ARID1B: variants seen among roughly 807,000 people sequenced by gnomAD.
ARID1B encodes AT-rich interactive domain-containing protein 1B.
In ARID1B, 30 loss-of-function variants were observed where a neutral mutation model predicts 212.3. The ratio of observed to expected loss-of-function variants is 0.14; its 90% confidence interval spans 0.11 to 0.19. The LOEUF is 0.19. Ranked by LOEUF, ARID1B falls within the 10% of genes least tolerant of loss-of-function variation. The probability of loss-of-function intolerance (pLI) is 1.00; values close to 1 mark genes in which losing one functional copy is unlikely to be tolerated. For synonymous variants in ARID1B, 1,402 were observed against 1,301.7 expected, an observed-to-expected ratio of 1.08 and a Z score of -1.66; for missense variants, 2,891 against 3,204.0, an observed-to-expected ratio of 0.90 and a Z score of 2.36.
chr6:157,049,103 G>A (rs910523157), intron 4 of ARID1B, among the ~76,000 whole-genome samples: 10 of 151,626 alleles, frequency 6.6e-5, no homozygotes, highest in Non-Finnish European at 1.0e-4. Context: ...GAACCAGGAG[G>A]TGGAGGTTGC....
chr6:156,856,802 T>TTGCCTTTGCTTAATGCTAAAATGCA (rs60089699), intron 2 of ARID1B, among the ~76,000 whole-genome samples: 3 of 150,732 alleles, frequency 2.0e-5, no homozygotes, highest in Admixed American at 1.3e-4. Context: ...GAAAAACCCA[T>TTGCCTTTGCTTAATGCTAAAATGCA]TCAGTCATAT....
chr6:156,980,484 AAAAACAAAACAAAAC>A (rs55654545), intron 4 of ARID1B, among the ~76,000 whole-genome samples: 1 of 151,504 alleles, frequency 6.6e-6, no homozygotes, highest in African/African-American at 2.4e-5. Context: ...CCTACATCTC[AAAAACAAAACAAAAC>A]AAAACAAAAT....
At chr6:156,787,507 C>T (rs998311669) in intron 1 of ARID1B, among the ~76,000 whole-genome samples, 1 of 152,066 alleles carries the variant, frequency 6.6e-6, no homozygotes, top group Non-Finnish European at 1.5e-5. Context: ...TAGAAGCTGG[C>T]GTCTAATTTG....
At position 157,201,498 on chromosome 6, in the gene ARID1B, C is replaced by A. The variant is rs2128377579; in HGVS notation, c.5263+10C>A. ...ACCTCCAAAGATATCGGTAAGAATT[C>A]CAAAGCTTTCATTCTGAAATGAATT... On this transcript the variant is annotated intron_variant, in intron 18 of 19. Coordinates refer to ENST00000636930, the MANE Select transcript of ARID1B (RefSeq NM_001374828.1). This position sits in a 1 kb window ranked among gnomAD's most constrained non-coding sequence, Gnocchi z 5.2. 1 of 1,492,790 alleles carries A rather than the reference C, an allele frequency of 6.7e-7. No homozygotes were observed. Among genetic ancestry groups the A allele is most frequent in the Non-Finnish European group, 8.9e-7 (1 of 1,121,038 alleles). The allele number at this position is 1,492,790 out of a possible 1,614,324, so 92.5% of individuals were successfully genotyped here.
In ARID1B at chr6:157,148,868, G is replaced by T. The variant is rs764210072; in HGVS notation, c.3006G>T (p.Gly1002=). 1.2e-6 allele frequency: 2 copies of T among 1,612,810 alleles called. No homozygotes were observed. The highest frequency in any genetic ancestry group is 2.2e-5 in the East Asian group (1 of 44,886). Residue 1002 remains glycine, a synonymous_variant, in exon 8 of 20, where the codon GGG becomes GGT. Transcript: ENST00000636930. This position sits in a 1 kb window ranked among gnomAD's most constrained non-coding sequence, Gnocchi z 5.6. ...CTCAGCAGGGAGGGCCAGGAATGGG[G>T]CCGCCAATGCCAACTGTGAACCGTA... ...GMSQQGGPGM[G]PPMPTVNRKA...
intron 2 of ARID1B, among the ~76,000 whole-genome samples, chr6:156,845,038 G>T: frequency 6.6e-6 from 1 of 151,554 alleles, no homozygotes; most frequent in Middle Eastern, 3.4e-3. Flanking sequence ...TAGCCTTCCC[G>T]TGTCTGGGGA....
intron 4 of ARID1B, among the ~76,000 whole-genome samples, chr6:157,008,113 C>T (rs1395222533): frequency 1.3e-5 from 2 of 151,392 alleles, no homozygotes; most frequent in African/African-American, 4.9e-5. Context: ...TCCCTCTCTT[C>T]CTCCTTCCTT....
At chr6:156,777,111 T>G (rs1778665396), upstream of ARID1B, 2 of 152,166 alleles carry the variant, frequency 1.3e-5, no homozygotes, top group South Asian at 2.0e-4. Context: ...AAAACAAACA[T>G]GCGAACGCCC....
intron 8 of ARID1B, among the ~76,000 whole-genome samples, chr6:157,165,746 G>A (rs1228708277): frequency 2.6e-5 from 4 of 152,190 alleles, no homozygotes; most frequent in Non-Finnish European, 5.9e-5. Context: ...CTATTTGGGA[G>A]AGTGAGGCGG....
At chr6:156,902,431 A>G (rs1419722833) in intron 3 of ARID1B, among the ~76,000 whole-genome samples, 1 of 152,196 alleles carries the variant, frequency 6.6e-6, no homozygotes, top group Non-Finnish European at 1.5e-5. Context: ...TGTGGCTTGA[A>G]TAGATCGTGG....
At chr6:156,938,869 C>A (rs1347693388) in intron 4 of ARID1B, 1 of 152,180 alleles carries the variant, frequency 6.6e-6, no homozygotes, top group East Asian at 1.9e-4. Context: ...TTCTTGATGA[C>A]CTTCAGTAGG....
At chr6:157,197,426 A>G (rs935355749) in intron 16 of ARID1B, among the ~76,000 whole-genome samples, 2 of 152,236 alleles carry the variant, frequency 1.3e-5, no homozygotes, top group Non-Finnish European at 2.9e-5. Context: ...AGTGTAATAC[A>G]AAGGAGAAAA....
chr6:156,866,426 A>G (rs1476492757), intron 2 of ARID1B, among the ~76,000 whole-genome samples: 1 of 152,184 alleles, frequency 6.6e-6, no homozygotes, highest in Non-Finnish European at 1.5e-5. Context: ...TGGGTGTCGG[A>G]CTTAACCTTT....
At chr6:157,134,393 T>G (rs1370325133) in intron 7 of ARID1B, among the ~76,000 whole-genome samples, 1 of 152,356 alleles carries the variant, frequency 6.6e-6, no homozygotes, top group South Asian at 2.1e-4. Flanking sequence ...TTTGTTATAT[T>G]TACTTTCCAA....
chr6:156,920,147 C>T (rs1430613826), intron 3 of ARID1B, among the ~76,000 whole-genome samples: 7 of 152,236 alleles, frequency 4.6e-5, no homozygotes, highest in African/African-American at 7.2e-5. Context: ...TGGCGCTCTC[C>T]GAGCAAGCCT....
chr6:157,152,945 G>A (rs1175897028), intron 8 of ARID1B, among the ~76,000 whole-genome samples: 2 of 152,210 alleles, frequency 1.3e-5, no homozygotes, highest in African/African-American at 4.8e-5. Context: ...GGAAGAATCT[G>A]AAAAGGACAA....
intron 4 of ARID1B, chr6:156,936,329 C>T (rs9478739): frequency 0.13 from 15,819 of 122,744 alleles, 998 homozygotes; most frequent in East Asian, 0.26. Flanking sequence ...GCAACAAGAG[C>T]GAAACTTCAT....
chr6:156,813,692 C>G (rs1781770251), intron 1 of ARID1B, among the ~76,000 whole-genome samples: 1 of 152,292 alleles, frequency 6.6e-6, no homozygotes, highest in African/African-American at 2.4e-5. Context: ...TTGTCGAACC[C>G]TGTTCTCCAA....
At chr6:156,893,144 G>A (rs910671749) in intron 2 of ARID1B, among the ~76,000 whole-genome samples, 7 of 146,870 alleles carry the variant, frequency 4.8e-5, no homozygotes, top group Admixed American at 2.8e-4. Context: ...CTGGGTTCAT[G>A]TGATTCTCCT....
Sources: gnomAD v4.1 joint callset for allele counts (sites outside exome capture counted in the v4.1 genomes callset) on GRCh38, gnomAD v4.1.1 for gene constraint, Gnocchi (gnomAD v3.1) non-coding constraint, MANE v1.5 for transcripts, NCBI Gene and HGNC (gene_info 2026-07-23, HGNC 2026-07-21) for gene names.